The following GLIS3 variants were observed in gnomAD, a reference collection of about 807,000 sequenced individuals.
GLIS3 encodes the protein zinc finger protein GLIS3.
A neutral mutation model predicts 78.6 loss-of-function variants in GLIS3; 53 were observed. That is an observed-to-expected ratio of 0.67 (90% CI 0.54 to 0.85). The LOEUF (loss-of-function observed/expected upper bound fraction) is 0.85, where lower values mean the gene tolerates loss of function less well. GLIS3 is among the 40% of genes least tolerant of loss of function. GLIS3 has a pLI of 0.00. For synonymous variants in GLIS3, 684 were observed against 509.9 expected, an observed-to-expected ratio of 1.34 and a Z score of -4.60; for missense variants, 1,703 against 1,231.1, an observed-to-expected ratio of 1.38 and a Z score of -5.74.
the GLIS3 span, among the ~76,000 whole-genome samples, chr9:4,409,291 G>C: frequency 6.6e-6 from 1 of 152,140 alleles, no homozygotes; most frequent in Non-Finnish European, 1.5e-5. Context: ...AATTATTTCA[G>C]GTTGACAAAG....
At chr9:4,316,603 GC>G (rs530928551) in intron 2 of GLIS3, among the ~76,000 whole-genome samples, 175 of 152,264 alleles carry the variant, frequency 1.1e-3, no homozygotes, top group Non-Finnish European at 2.2e-3. Context: ...AAGTGTGCAT[GC>G]TAGGTGAATC....
intron 2 of GLIS3, among the ~76,000 whole-genome samples, chr9:4,225,212 T>C (rs1477754187): frequency 6.6e-6 from 1 of 152,126 alleles, no homozygotes; most frequent in African/African-American, 2.4e-5. Context: ...TCTTGCATTT[T>C]CCCCTACAAC....
intron 4 of GLIS3, among the ~76,000 whole-genome samples, chr9:4,063,471 G>A (rs935514940): frequency 1.3e-5 from 2 of 151,524 alleles, no homozygotes; most frequent in Non-Finnish European, 2.9e-5. Flanking sequence ...ATGTAATTTA[G>A]CGCATTAACA....
Position 3,880,320 on chromosome 9 carries a change from T to C in GLIS3, c.2129-725A>G, listed in dbSNP as rs376933359. On this transcript the variant is annotated intron_variant, in intron 7 of 10. Transcript: ENST00000381971. The stretch of plus-strand genomic sequence containing the variant: ...GGCAGCCTAGCCTTCGAGAACGGTA[T>C]GTGACCTCAAACGTGAATACGTGCC... Among the ~76,000 whole-genome samples the C allele has an allele frequency of 1.0e-3, 156 of 152,334 alleles. 2 individuals carry two copies. Among genetic ancestry groups the C allele is most frequent in the Middle Eastern group, 3.4e-3 (1 of 294 alleles).
At chr9:4,309,137 C>CT (rs1278990546) in intron 3 of GLIS3, among the ~76,000 whole-genome samples, 1 of 152,200 alleles carries the variant, frequency 6.6e-6, no homozygotes, top group Non-Finnish European at 1.5e-5. Flanking sequence ...AATTGTTACT[C>CT]TATCTTGTCA....
In GLIS3 at chr9:4,217,819, G is replaced by T. The variant is rs140462948; in HGVS notation, c.388+68219C>A. Among the ~76,000 whole-genome samples the T allele has an allele frequency of 2.0e-5, 3 of 152,228 alleles. No individual in the cohort carries two copies. In the East Asian group the frequency reaches 5.8e-4, roughly 29 times the overall value. Reference sequence around the variant, plus strand: ...TTCAAACAAAATTAAAACAAACAAAGGGATTTCCGTGGAATTAAATTCTGC... The same window carrying T: ...TTCAAACAAAATTAAAACAAACAAATGGATTTCCGTGGAATTAAATTCTGC... On this transcript the variant is annotated intron_variant, in intron 2 of 10. Coordinates refer to ENST00000381971, the MANE Select transcript of GLIS3 (RefSeq NM_001042413.2).
chr9:4,166,644 G>A (rs200486160), intron 2 of GLIS3, among the ~76,000 whole-genome samples: 4 of 152,096 alleles, frequency 2.6e-5, no homozygotes, highest in South Asian at 2.1e-4. Flanking sequence ...GGCCACTAAC[G>A]TCCCTTCCAG....
At chr9:3,947,421 T>C (rs1816377183) in intron 4 of GLIS3, among the ~76,000 whole-genome samples, 1 of 152,236 alleles carries the variant, frequency 6.6e-6, no homozygotes, top group Non-Finnish European at 1.5e-5. Flanking sequence ...AGACAAACTG[T>C]TTAAGTCAAT....
rs374752356 is a variant in GLIS3 at position 4,118,408 on chromosome 9, C to G, written c.1070G>C (p.Ser357Thr). 2.1e-5 allele frequency: 34 copies of G among 1,607,110 alleles called. No individual in the cohort carries two copies. The highest frequency in any genetic ancestry group is 5.3e-5 in the African/African-American group (4 of 74,914). The change falls in exon 4 of 11, where the codon AGC (serine) becomes ACC (threonine). Residue 357 changes from serine (S) to threonine (T), a missense_variant. Transcript: ENST00000381971. This position sits in a 1 kb window ranked among gnomAD's most constrained non-coding sequence, Gnocchi z 4.7. ...CACCGGGCGCGGCTGGGGAATGCAG[C>G]TGCCGCGCACGCCCAGGAAATGCCC... The part of the protein sequence containing the change: ...VYGHFLGVRG[S>T]CIPQPRPVPG...
chr9:4,002,036 G>C lies in GLIS3; in HGVS notation c.1711-64847C>G, dbSNP rs754051360. ...TGTTGCATTACATGGTAAAAAGTAC[G>C]TGGCAGCTGTGATTAAATTAAGGAT... On this transcript the variant is annotated intron_variant, in intron 4 of 10. Coordinates refer to ENST00000381971, the MANE Select transcript of GLIS3 (RefSeq NM_001042413.2). 5.3e-5 allele frequency among the ~76,000 whole-genome samples: 8 copies of C among 152,276 alleles called. 1 individual carries two copies. In the East Asian group the frequency reaches 1.2e-3, roughly 22 times the overall value.
the GLIS3 span, among the ~76,000 whole-genome samples, chr9:4,416,412 T>C: frequency 2.0e-5 from 3 of 152,102 alleles, no homozygotes; most frequent in African/African-American, 7.2e-5. Flanking sequence ...TACAGTAATA[T>C]TGCTATGTAG....
intron 4 of GLIS3, among the ~76,000 whole-genome samples, chr9:4,091,470 T>A (rs1297507901): frequency 6.6e-6 from 1 of 152,112 alleles, no homozygotes; most frequent in African/African-American, 2.4e-5. Context: ...ACAATAATAA[T>A]AAACACAGAT....
chr9:4,361,985 G>C, the GLIS3 span, among the ~76,000 whole-genome samples: 1 of 152,188 alleles, frequency 6.6e-6, no homozygotes, highest in African/African-American at 2.4e-5. Flanking sequence ...AAATCTAAGT[G>C]AAATTCCAAC....
intron 2 of GLIS3, among the ~76,000 whole-genome samples, chr9:4,187,585 A>G (rs1817927352): frequency 6.6e-6 from 1 of 152,088 alleles, no homozygotes; most frequent in South Asian, 2.1e-4. Context: ...ATGACCTTGG[A>G]CTGTATGGCC....
chr9:4,410,028 T>C, the GLIS3 span, among the ~76,000 whole-genome samples: 2 of 152,158 alleles, frequency 1.3e-5, no homozygotes, highest in Admixed American at 6.5e-5. Context: ...TGGAGTGCAG[T>C]GGTGAGATCT....
rs1270608112 is a variant in GLIS3 at position 4,327,570 on chromosome 9, AGAG to A, written n.265-17045_265-17043del. 5.9e-4 allele frequency among the ~76,000 whole-genome samples: 90 copies of A among 152,258 alleles called. 1 individual carries two copies. The highest frequency in any genetic ancestry group is 2.0e-3 in the African/African-American group (84 of 41,558). ...AAATGAATTGGGTAGGAAGCATGAG[AGAG>A]GAGGAGGAGTCACCAACAATTCTGA... On this transcript the variant is annotated intron_variant and non_coding_transcript_variant, in intron 2 of 4. Transcript: ENST00000471664.
chr9:4,450,482 C>G, the GLIS3 span, among the ~76,000 whole-genome samples: 1 of 152,116 alleles, frequency 6.6e-6, no homozygotes. Context: ...CATTCAAATT[C>G]AGGAAATACA....
chr9:4,034,112 C>G lies in GLIS3; in HGVS notation c.1710+83656G>C, dbSNP rs571502358. 1.1e-4 allele frequency among the ~76,000 whole-genome samples: 16 copies of G among 151,850 alleles called. 2 individuals are homozygous for G. The highest frequency in any genetic ancestry group is 3.9e-4 in the African/African-American group (16 of 41,398). ...GGCATGGTGGTGCATGTCTGCAGTCCCAGTTATTCAGGAGTCTAATGTAAG... is the reference window on the plus strand; with the variant it reads ...GGCATGGTGGTGCATGTCTGCAGTCGCAGTTATTCAGGAGTCTAATGTAAG... On this transcript the variant is annotated intron_variant, in intron 4 of 10. Transcript: ENST00000381971.
intron 4 of GLIS3, among the ~76,000 whole-genome samples, chr9:4,068,510 C>T (rs1283159634): frequency 6.6e-6 from 1 of 152,146 alleles, no homozygotes; most frequent in African/African-American, 2.4e-5. Context: ...TGTGTTTGAG[C>T]AGTGAATTTA....
Sources: gnomAD v4.1 joint callset for allele counts (sites outside exome capture counted in the v4.1 genomes callset) on GRCh38, gnomAD v4.1.1 for gene constraint, Gnocchi (gnomAD v3.1) non-coding constraint, MANE v1.5 for transcripts, NCBI Gene and HGNC (gene_info 2026-07-23, HGNC 2026-07-21) for gene names.